UGGT2: variants seen among roughly 807,000 people sequenced by gnomAD.
UGGT2 encodes UDP-glucose glycoprotein glucosyltransferase 2, also known as UDP-glucose:glycoprotein glucosyltransferase 2.
A neutral mutation model predicts 192.1 loss-of-function variants in UGGT2; 180 were observed. The ratio of observed to expected loss-of-function variants is 0.94; its 90% CI spans 0.83 to 1.06. The LOEUF is 1.06. Ranked by LOEUF, UGGT2 falls within the 50% of genes least tolerant of loss-of-function variation. The pLI, the probability that UGGT2 is intolerant of heterozygous loss-of-function variation, is 0.00. For synonymous variants in UGGT2, 580 were observed against 591.0 expected, an observed-to-expected ratio of 0.98 and a Z score of 0.27; for missense variants, 1,849 against 1,795.7, an observed-to-expected ratio of 1.03 and a Z score of -0.54.
chr13:95,844,872 T>G (rs544356084), intron 36 of UGGT2, among the ~76,000 whole-genome samples: 2 of 152,200 alleles, frequency 1.3e-5, no homozygotes, highest in African/African-American at 2.4e-5. Context: ...GTTTCTGATC[T>G]TAGGGAGAAA....
chr13:95,974,810 G>A (rs1306595513), intron 10 of UGGT2, among the ~76,000 whole-genome samples: 7 of 152,080 alleles, frequency 4.6e-5, no homozygotes, highest in South Asian at 2.1e-4. Flanking sequence ...GACTGGGTGC[G>A]GTGGCTCACA....
chr13:95,835,719 A>G (rs958525519), intron 37 of UGGT2, among the ~76,000 whole-genome samples: 1 of 152,324 alleles, frequency 6.6e-6, no homozygotes. Context: ...CATTAAAAAC[A>G]ATATACTAGG....
At chr13:96,031,321 G>A (rs191377673) in intron 2 of UGGT2, among the ~76,000 whole-genome samples, 5 of 151,592 alleles carry the variant, frequency 3.3e-5, no homozygotes, top group Admixed American at 6.6e-5. Context: ...AATTTTTTTG[G>A]GGGGGGACAG....
chr13:95,927,470 CTTT>C (rs869027577), intron 17 of UGGT2, 134 bp from the exon 18 acceptor site: 1,163 of 241,876 alleles, frequency 4.8e-3, no homozygotes, highest in Middle Eastern at 9.9e-3. Flanking sequence ...CATTTTCTTT[CTTT>C]TTTTTTTTTT....
At chr13:95,900,632 T>A (rs1027325866) in intron 22 of UGGT2, among the ~76,000 whole-genome samples, 175 bp downstream of exon 22, 1 of 152,144 alleles carries the variant, frequency 6.6e-6, no homozygotes, top group Non-Finnish European at 1.5e-5. Context: ...AATGAAGGAA[T>A]GGGAAGTGTG....
intron 20 of UGGT2, among the ~76,000 whole-genome samples, chr13:95,913,151 GC>G (rs1566684477): frequency 6.6e-6 from 1 of 152,116 alleles, no homozygotes; most frequent in Non-Finnish European, 1.5e-5. Flanking sequence ...GAAAACCTAG[GC>G]AATACCATTT....
intron 36 of UGGT2, among the ~76,000 whole-genome samples, chr13:95,846,397 C>T (rs1888460572): frequency 6.9e-6 from 1 of 145,190 alleles, no homozygotes; most frequent in South Asian, 2.2e-4. Flanking sequence ...CTCGGCTGGG[C>T]ATCAGAGGGA....
At chr13:95,921,771 A>G (rs991007615) in intron 20 of UGGT2, among the ~76,000 whole-genome samples, 2 of 152,154 alleles carry the variant, frequency 1.3e-5, no homozygotes, top group African/African-American at 4.8e-5. Flanking sequence ...TAAAAAGTCA[A>G]AAAAATAACA....
chr13:96,020,645 G>A lies in UGGT2; in HGVS notation c.485+2395C>T, dbSNP rs138706394. Among the ~76,000 whole-genome samples, 610 of 152,256 alleles carry A rather than the reference G, an allele frequency of 4.0e-3. 2 individuals are homozygous for A. Among genetic ancestry groups the A allele is most frequent in the South Asian group, 0.011 (52 of 4,822 alleles). On this transcript the variant is annotated intron_variant, in intron 4 of 38. Transcript: ENST00000376747. ...TCAGACTACAACACAGTTATCAGGA[G>A]ACTACCATCACCCACCAGGAGTACA...
intron 19 of UGGT2, 72 bp downstream of exon 19, chr13:95,926,956 A>T (rs948578707): frequency 1.5e-6 from 2 of 1,354,956 alleles, no homozygotes; most frequent in Non-Finnish European, 2.0e-6. Flanking sequence ...AAAATTTATT[A>T]TACAACTGCC....
At chr13:95,856,640 C>G (rs750765820) in intron 33 of UGGT2, 3 of 430,180 alleles carry the variant, frequency 7.0e-6, no homozygotes, top group South Asian at 5.5e-5. Context: ...TTGTTAACAT[C>G]TGACTTGAGA....
chr13:95,812,740 T>C (rs1884642921), intron 38 of UGGT2, among the ~76,000 whole-genome samples: 1 of 152,028 alleles, frequency 6.6e-6, no homozygotes, highest in South Asian at 2.1e-4. Context: ...TAAAAGTGTG[T>C]GGTATACTGT....
chr13:95,919,054 C>G (rs1012731734), intron 20 of UGGT2, among the ~76,000 whole-genome samples: 2 of 152,134 alleles, frequency 1.3e-5, no homozygotes, highest in Non-Finnish European at 2.9e-5. Flanking sequence ...CAGGATGCGA[C>G]GTTGGTTCAA....
chr13:95,914,324 A>G (rs1009127824), intron 20 of UGGT2, among the ~76,000 whole-genome samples: 1 of 152,160 alleles, frequency 6.6e-6, no homozygotes, highest in African/African-American at 2.4e-5. Flanking sequence ...AAGTTTCTTA[A>G]AACTACTGGC....
intron 20 of UGGT2, among the ~76,000 whole-genome samples, chr13:95,915,090 A>C (rs73558660): frequency 0.011 from 1,688 of 152,178 alleles, 37 homozygotes; most frequent in African/African-American, 0.039. Flanking sequence ...CTAGCCATAC[A>C]CTTTGCTGTC....
intron 16 of UGGT2, among the ~76,000 whole-genome samples, chr13:95,938,662 T>G (rs962001925): frequency 6.6e-6 from 1 of 152,184 alleles, no homozygotes; most frequent in African/African-American, 2.4e-5. Flanking sequence ...CTAAAGCTTA[T>G]AGTTTAACAA....
chr13:95,986,373 A>G lies in UGGT2; in HGVS notation c.991T>C (p.Leu331=). The G allele has an allele frequency of 6.2e-7, 1 of 1,605,412 alleles. No homozygotes were observed. Residue 331 remains leucine (L), a synonymous_variant, in exon 9 of 39, where the codon TTA becomes CTA. Coordinates refer to ENST00000376747, the MANE Select transcript of UGGT2 (RefSeq NM_020121.4). ...MSAPVYDSIK[L]MKDISQNFPI... ...AAGTTCTGTGAAATGTCTTTCATTA[A>G]TTTAATGGAATCATAAACTGGAGCG...
intron 17 of UGGT2, among the ~76,000 whole-genome samples, chr13:95,931,515 T>C (rs1268770863): frequency 7.3e-6 from 1 of 136,452 alleles, no homozygotes; most frequent in African/African-American, 2.7e-5. Context: ...AGGCTCGGGC[T>C]GCGCAAGACC....
At chr13:95,826,948 T>C (rs970458666) in intron 38 of UGGT2, among the ~76,000 whole-genome samples, 3 of 152,068 alleles carry the variant, frequency 2.0e-5, no homozygotes, top group African/African-American at 2.4e-5. Context: ...AAACATAATA[T>C]AAGTCCTTAA....
Sources: allele counts gnomAD v4.1 joint callset (sites outside exome capture counted in the v4.1 genomes callset), GRCh38; gene constraint gnomAD v4.1.1; transcripts MANE v1.5; gene names NCBI Gene and HGNC (gene_info 2026-07-23, HGNC 2026-07-21).